CDC27: variants seen among roughly 807,000 people sequenced by gnomAD.
CDC27 encodes the protein cell division cycle 27.
A neutral mutation model predicts 109.7 loss-of-function variants in CDC27; 27 were observed. The observed-to-expected ratio is 0.25, with a 90% CI of 0.18 to 0.34. The LOEUF (loss-of-function observed/expected upper bound fraction) is 0.34, where lower values mean the gene tolerates loss of function less well. Among genes scored for constraint, CDC27 ranks in the 10% least tolerant of loss-of-function variants. The probability of loss-of-function intolerance (pLI) is 1.00; values close to 1 mark genes in which losing one functional copy is unlikely to be tolerated. For missense variants in CDC27, 579 were observed against 960.2 expected (o/e 0.60, Z 5.25); for synonymous variants, 266 against 333.9 (o/e 0.80, Z 2.22).
intron 7 of CDC27, among the ~76,000 whole-genome samples, chr17:47,156,146 A>AT (rs967983512): frequency 1.0e-4 from 15 of 149,372 alleles, no homozygotes; most frequent in Admixed American, 2.0e-4. Flanking sequence ...TTTTCCTCCA[A>AT]TTTTTTTTTT....
intron 4 of CDC27, among the ~76,000 whole-genome samples, chr17:47,158,793 A>G (rs895629543): frequency 6.6e-6 from 1 of 152,112 alleles, no homozygotes; most frequent in Non-Finnish European, 1.5e-5. Flanking sequence ...TAATTTTTGC[A>G]TATTTTGTAG....
At position 47,185,272 on chromosome 17, in the gene CDC27, G is replaced by C. The variant is rs531301393; in HGVS notation, c.28-3635C>G. 1.2e-4 allele frequency among the ~76,000 whole-genome samples: 18 copies of C among 152,118 alleles called. No homozygotes were observed. The South Asian group carries it at 3.7e-3, about 32-fold the overall frequency. Reference sequence around the variant, plus strand: ...CGGCTCACTGCAAGCTCCACCTCCTGGGTTCACGCCATTCTCCTGCCTCAG... The same window carrying C: ...CGGCTCACTGCAAGCTCCACCTCCTCGGTTCACGCCATTCTCCTGCCTCAG... On this transcript the variant is annotated intron_variant, in intron 1 of 18. Transcript: ENST00000066544.
At chr17:47,175,004 A>AAAG (rs10700260) in intron 2 of CDC27, among the ~76,000 whole-genome samples, 37 of 136,402 alleles carry the variant, frequency 2.7e-4, no homozygotes, top group African/African-American at 4.0e-4. Context: ...AAAGGAAAGG[A>AAAG]GAGAGAGAAA....
intron 2 of CDC27, among the ~76,000 whole-genome samples, chr17:47,175,991 A>AT (rs909463891): frequency 5.3e-5 from 8 of 150,872 alleles, no homozygotes; most frequent in African/African-American, 7.3e-5. Context: ...TCTGACCCTC[A>AT]TTTTTTTTTC....
chr17:47,185,936 G>A (rs1358901680), intron 1 of CDC27, among the ~76,000 whole-genome samples: 1 of 152,176 alleles, frequency 6.6e-6, no homozygotes, highest in East Asian at 1.9e-4. Context: ...ATTTTTGGTT[G>A]TCACAAATGG....
intron 12 of CDC27, among the ~76,000 whole-genome samples, chr17:47,139,341 A>C (rs548350958): frequency 1.4e-5 from 2 of 143,644 alleles, no homozygotes; most frequent in East Asian, 4.0e-4. Flanking sequence ...ATCTCGGCTC[A>C]CTGCAAGCTC....
chr17:47,169,903 T>C lies in CDC27; in HGVS notation c.377+14A>G. ...GGAAATGCTTTTCTGACAGTTTGAA[T>C]CATTCTTACTTACCAATATACATGT... On this transcript the variant is annotated intron_variant, in intron 4 of 18. Coordinates refer to ENST00000066544, the MANE Select transcript of CDC27 (RefSeq NM_001256.6). 1 of 1,557,884 alleles carries C rather than the reference T, an allele frequency of 6.4e-7. No individual in the cohort carries two copies. Among genetic ancestry groups the C allele is most frequent in the Non-Finnish European group, 8.6e-7 (1 of 1,159,096 alleles).
intron 14 of CDC27, among the ~76,000 whole-genome samples, chr17:47,134,474 G>GTTTTT (rs112150744): frequency 4.1e-5 from 6 of 146,856 alleles, no homozygotes; most frequent in African/African-American, 1.3e-4. Context: ...ATGCCTAATT[G>GTTTTT]TTTTTTTTTT....
chr17:47,175,880 A>C (rs912363235), intron 2 of CDC27, among the ~76,000 whole-genome samples: 1 of 152,198 alleles, frequency 6.6e-6, no homozygotes, highest in Non-Finnish European at 1.5e-5. Flanking sequence ...AAGTAGTATG[A>C]CATGTGGATT....
chr17:47,124,773 G>T (rs1322044146), intron 16 of CDC27, among the ~76,000 whole-genome samples: 6 of 151,996 alleles, frequency 3.9e-5, no homozygotes, highest in Non-Finnish European at 1.5e-5. Context: ...AAATTCTACT[G>T]TCCATTTGGA....
intron 9 of CDC27, among the ~76,000 whole-genome samples, chr17:47,145,416 T>G (rs1239068305): frequency 6.6e-6 from 1 of 151,976 alleles, no homozygotes; most frequent in Non-Finnish European, 1.5e-5. Flanking sequence ...TCAGTGTAGG[T>G]GTTTGAGTGT....
intron 2 of CDC27, 65 bp from the exon 3 acceptor site, chr17:47,172,129 G>T: frequency 2.8e-6 from 3 of 1,071,884 alleles, no homozygotes; most frequent in Non-Finnish European, 2.5e-6. Context: ...AGTTTATCAT[G>T]CAATAAACAA....
At chr17:47,182,049 T>G (rs1735267382) in intron 1 of CDC27, among the ~76,000 whole-genome samples, 1 of 152,224 alleles carries the variant, frequency 6.6e-6, no homozygotes, top group Admixed American at 6.5e-5. Context: ...ATAACATGGT[T>G]ATTTGTTAAC....
At chr17:47,176,233 CT>C (rs202013191) in intron 2 of CDC27, among the ~76,000 whole-genome samples, 2,712 of 147,658 alleles carry the variant, frequency 0.018, 31 homozygotes, top group Middle Eastern at 0.045. Flanking sequence ...ATTTCATCAA[CT>C]TTTTTTTTTT....
chr17:47,132,658 C>T (rs1288224364), intron 14 of CDC27, among the ~76,000 whole-genome samples: 4 of 150,476 alleles, frequency 2.7e-5, no homozygotes, highest in Non-Finnish European at 4.4e-5. Context: ...CTTGAACTTC[C>T]GGGTTCAAAG....
At chr17:47,141,765 A>C (rs935201981) in intron 12 of CDC27, 88 bp downstream of exon 12, 8 of 710,580 alleles carry the variant, frequency 1.1e-5, no homozygotes, top group Middle Eastern at 4.1e-4. Flanking sequence ...CTGATCTTTT[A>C]GATCTAGCCT....
chr17:47,187,302 A>T (rs2064476513), intron 1 of CDC27, among the ~76,000 whole-genome samples: 1 of 151,698 alleles, frequency 6.6e-6, no homozygotes, highest in Non-Finnish European at 1.5e-5. Flanking sequence ...TTTATTTTTT[A>T]TTTATTTATT....
intron 1 of CDC27, among the ~76,000 whole-genome samples, chr17:47,187,004 T>G (rs1329791202): frequency 2.6e-5 from 4 of 152,198 alleles, no homozygotes; most frequent in African/African-American, 7.2e-5. Context: ...TGATCATTGA[T>G]CTTTATCATT....
chr17:47,130,877 C>CAAA (rs35788312), intron 15 of CDC27, among the ~76,000 whole-genome samples: 2 of 138,972 alleles, frequency 1.4e-5, no homozygotes, highest in Non-Finnish European at 1.5e-5. Flanking sequence ...AACTCCATCT[C>CAAA]AAAAAAAAAA....
Sources: gnomAD v4.1 joint callset for allele counts (sites outside exome capture counted in the v4.1 genomes callset) on GRCh38, gnomAD v4.1.1 for gene constraint, MANE v1.5 for transcripts, NCBI Gene and HGNC (gene_info 2026-07-23, HGNC 2026-07-21) for gene names.